The following ZNF618 variants were observed in gnomAD, a reference collection of about 807,000 sequenced individuals.
ZNF618 encodes the protein neural precursor cell expressed, developmentally down-regulated 10.
Under a neutral mutation model 103.0 loss-of-function variants are expected in ZNF618, and 34 were observed. The ratio of observed to expected loss-of-function variants is 0.33; its 90% CI spans 0.25 to 0.44. The LOEUF (loss-of-function observed/expected upper bound fraction) is 0.44. ZNF618 is among the 20% of genes least tolerant of loss of function. The pLI is 1.00. For missense variants in ZNF618, 1,059 were observed against 1,295.4 expected, an observed-to-expected ratio of 0.82 and a Z score of 2.80; for synonymous variants, 551 against 542.2, an observed-to-expected ratio of 1.02 and a Z score of -0.23.
At chr9:113,899,060 G>A (rs1400412398) in intron 1 of ZNF618, among the ~76,000 whole-genome samples, 6 of 152,096 alleles carry the variant, frequency 3.9e-5, no homozygotes, top group African/African-American at 1.4e-4. Flanking sequence ...CCCCACATCT[G>A]TAACATCTAG....
rs1006328660 is a variant in ZNF618, at chr9:114,053,406, G to T, written c.*3239G>T. ...GGATCTGGGACCAGGAATTTGGGCC[G>T]TTTCTACCATATTCTCAGCAGCCTA... On this transcript the variant is annotated 3_prime_UTR_variant, in exon 15 of 15. Transcript: ENST00000374126. 2 of 152,312 alleles carry T rather than the reference G, an allele frequency of 1.3e-5. No homozygotes were observed. 9.4% of individuals were successfully genotyped at this position (152,312 alleles called of 1,614,324 possible). A position where few individuals can be genotyped will look rare whatever the true frequency, so the allele number is the denominator to read the frequency against.
chr9:114,055,047 G>A lies in ZNF618; in HGVS notation c.*4880G>A, dbSNP rs915964320. ...GGTGTTAGCATCACGACCCACGAGG[G>A]CCCTGCCCAACCGTGCGTCCCATGG... On this transcript the variant is annotated 3_prime_UTR_variant, in exon 15 of 15. Transcript: ENST00000374126. The A allele has an allele frequency of 6.6e-5, 10 of 151,690 alleles. No individual in the cohort carries two copies. The highest frequency in any genetic ancestry group is 3.9e-4 in the East Asian group (2 of 5,144). 9.4% of individuals were successfully genotyped at this position (151,690 alleles called of 1,614,324 possible).
Position 114,007,449 on chromosome 9 carries a change from G to A in ZNF618, c.640+10G>A, listed in dbSNP as rs186494717. ...CTGCACGCAGTGGATGGTGAGTCAG[G>A]CCCCTCACTCCCTGGAGTCATGCCA... On this transcript the variant is annotated intron_variant, in intron 7 of 14. Transcript: ENST00000374126. 6.2e-7 allele frequency: 1 copy of A among 1,611,960 alleles called. No homozygotes were observed. The highest frequency in any genetic ancestry group is 8.5e-7 in the Non-Finnish European group (1 of 1,179,380).
rs185553674 is a variant in ZNF618, at chr9:113,986,036, T to G, written c.78-2285T>G. ...AAGCTCAGACAGTGTCTGGTGGCCCTGATGGGACAGACACATGAGGAGGAG... is the reference window on the plus strand; with the variant it reads ...AAGCTCAGACAGTGTCTGGTGGCCCGGATGGGACAGACACATGAGGAGGAG... On this transcript the variant is annotated intron_variant, in intron 2 of 14. Transcript: ENST00000374126. 9.2e-5 allele frequency among the ~76,000 whole-genome samples: 14 copies of G among 152,330 alleles called. No individual in the cohort carries two copies. The East Asian group carries it at 2.5e-3, about 27-fold the overall frequency.
chr9:114,000,274 A>G (rs562649373), intron 4 of ZNF618, among the ~76,000 whole-genome samples: 1 of 152,100 alleles, frequency 6.6e-6, no homozygotes, highest in Non-Finnish European at 1.5e-5. Flanking sequence ...CATGAATTGT[A>G]GGAATCAGAG....
In ZNF618 at chr9:114,050,730, C is replaced by T; in HGVS notation, c.*563C>T. 1 of 153,696 alleles carries T rather than the reference C, an allele frequency of 6.5e-6. No homozygotes were observed. The highest frequency in any genetic ancestry group is 1.5e-5 in the Non-Finnish European group (1 of 68,716). The allele number at this position is 153,696 out of a possible 1,614,324, so 9.5% of individuals were successfully genotyped here. The stretch of plus-strand genomic sequence containing the variant: ...GTCCTCCTTTTCCCTCTTTGACCCT[C>T]TTCCAGCCCTCCTACCCTCCTGATC... On this transcript the variant is annotated 3_prime_UTR_variant, in exon 15 of 15. Transcript: ENST00000374126.
intron 1 of ZNF618, among the ~76,000 whole-genome samples, chr9:113,884,164 G>T (rs1828821229): frequency 6.6e-6 from 1 of 152,114 alleles, no homozygotes; most frequent in African/African-American, 2.4e-5. Flanking sequence ...TCCTGTAAAT[G>T]GGGGAGGGGG....
intron 1 of ZNF618, among the ~76,000 whole-genome samples, chr9:113,963,467 T>A (rs1457818075): frequency 3.3e-5 from 5 of 152,192 alleles, no homozygotes; most frequent in Non-Finnish European, 7.3e-5. Context: ...CCCATTTCTC[T>A]CTGGGTTCAT....
chr9:114,010,344 A>T (rs1460181805), intron 9 of ZNF618, among the ~76,000 whole-genome samples: 2 of 150,816 alleles, frequency 1.3e-5, no homozygotes, highest in African/African-American at 4.9e-5. Flanking sequence ...TGAAACCCTC[A>T]GTGCTCAAAT....
rs1189614433 is a variant in ZNF618, at chr9:114,048,103, G to A, written c.1348+109G>A. The A allele has an allele frequency of 5.2e-6, 5 of 965,884 alleles. No homozygotes were observed. In the Admixed American group the frequency reaches 7.3e-5, roughly 14 times the overall value. 59.8% of individuals were successfully genotyped at this position (965,884 alleles called of 1,614,324 possible). On this transcript the variant is annotated intron_variant, in intron 14 of 14. Transcript: ENST00000374126. ...GCTTCCTGTGATGTTGTAAGATGATGCATGATAGTTTCCAAAGCACTTTTA... is the reference window on the plus strand; with the variant it reads ...GCTTCCTGTGATGTTGTAAGATGATACATGATAGTTTCCAAAGCACTTTTA...
intron 1 of ZNF618, among the ~76,000 whole-genome samples, chr9:113,928,131 T>C (rs1479628670): frequency 6.6e-6 from 1 of 152,228 alleles, no homozygotes; most frequent in Admixed American, 6.5e-5. Flanking sequence ...TACTTCAGTT[T>C]GGATAGTTCC....
At chr9:113,951,494 T>TAC (rs1835691411) in intron 1 of ZNF618, among the ~76,000 whole-genome samples, 1 of 89,124 alleles carries the variant, frequency 1.1e-5, no homozygotes, top group African/African-American at 3.9e-5. Flanking sequence ...TATATGTGTG[T>TAC]ATGTGTACAC....
intron 1 of ZNF618, among the ~76,000 whole-genome samples, chr9:113,925,499 C>CTAA (rs1049743618): frequency 3.3e-5 from 5 of 150,108 alleles, no homozygotes; most frequent in African/African-American, 1.2e-4. Flanking sequence ...GGCATTTAGA[C>CTAA]CATTCACATT....
chr9:113,883,933 G>T (rs1002509008), intron 1 of ZNF618, among the ~76,000 whole-genome samples: 2 of 131,854 alleles, frequency 1.5e-5, no homozygotes. Context: ...GGAGGACTAT[G>T]ACCTGTGGGG....
rs567071812 is a variant in ZNF618, at chr9:114,022,222, A to G, written c.844+5438A>G. 7.9e-5 allele frequency among the ~76,000 whole-genome samples: 12 copies of G among 151,934 alleles called. No individual in the cohort carries two copies. In the East Asian group the frequency reaches 1.9e-3, roughly 24 times the overall value. On this transcript the variant is annotated intron_variant, in intron 10 of 14. Coordinates refer to ENST00000374126, the MANE Select transcript of ZNF618 (RefSeq NM_001318042.2). The stretch of plus-strand genomic sequence containing the variant: ...ATTTTACATTCCAACCAGCAGTACA[A>G]TTTTCTTTTCTTGTAATGTTCTCGT...
In ZNF618 at chr9:113,974,795, A is replaced by G. The variant is rs532333360; in HGVS notation, c.77+5635A>G. ...TCCTCACCACCTCTCCAGCCCTGCT[A>G]AGGGCCAAGCAGCCTAGTGCAGAAT... On this transcript the variant is annotated intron_variant, in intron 2 of 14. Coordinates refer to ENST00000374126, the MANE Select transcript of ZNF618 (RefSeq NM_001318042.2). Among the ~76,000 whole-genome samples, 23 of 152,184 alleles carry G rather than the reference A, an allele frequency of 1.5e-4. 1 individual carries two copies. Among genetic ancestry groups the G allele is most frequent in the South Asian group, 1.0e-3 (5 of 4,806 alleles).
intron 1 of ZNF618, among the ~76,000 whole-genome samples, chr9:113,962,405 C>T (rs938605742): frequency 3.3e-5 from 5 of 152,186 alleles, no homozygotes; most frequent in Non-Finnish European, 5.9e-5. Flanking sequence ...CTCCTTTCAA[C>T]ACAGCAACCA....
intron 1 of ZNF618, among the ~76,000 whole-genome samples, chr9:113,887,684 A>G (rs572161515): frequency 3.9e-5 from 6 of 152,288 alleles, no homozygotes; most frequent in African/African-American, 1.2e-4. Flanking sequence ...GTGGGGAGTC[A>G]TCTCCCTTGA....
At chr9:113,956,102 G>A (rs936955399) in intron 1 of ZNF618, among the ~76,000 whole-genome samples, 2 of 150,912 alleles carry the variant, frequency 1.3e-5, no homozygotes, top group Non-Finnish European at 2.9e-5. Context: ...CCAGCTACTC[G>A]GGAGGCTGAG....
Sources: allele counts gnomAD v4.1 joint callset (sites outside exome capture counted in the v4.1 genomes callset), GRCh38; gene constraint gnomAD v4.1.1; transcripts MANE v1.5; gene names NCBI Gene and HGNC (gene_info 2026-07-23, HGNC 2026-07-21).